Variants in SWAP70 observed in about 807,000 individuals in gnomAD.
SWAP70 encodes the protein switch-associated protein 70.
SWAP70 carries 34 observed loss-of-function variants against 80.2 expected under a neutral mutation model. The observed-to-expected ratio is 0.42, with a 90% CI of 0.32 to 0.56. The LOEUF is 0.56. Ranked by LOEUF, SWAP70 falls within the 20% of genes least tolerant of loss-of-function variation. The probability of loss-of-function intolerance (pLI) is 0.09; values close to 1 mark genes in which losing one functional copy is unlikely to be tolerated. For missense variants in SWAP70, 578 were observed against 690.7 expected, an observed-to-expected ratio of 0.84 and a Z score of 1.83; for synonymous variants, 239 against 238.5, an observed-to-expected ratio of 1.00 and a Z score of -0.02.
At chr11:9,673,696 G>C (rs1469006775) in intron 1 of SWAP70, among the ~76,000 whole-genome samples, 1 of 152,120 alleles carries the variant, frequency 6.6e-6, no homozygotes, top group Non-Finnish European at 1.5e-5. Flanking sequence ...CTGAAATGAA[G>C]GTCTTGTGGC....
intron 2 of SWAP70, among the ~76,000 whole-genome samples, chr11:9,710,906 A>G (rs1850988982): frequency 6.6e-6 from 1 of 151,160 alleles, no homozygotes; most frequent in South Asian, 2.1e-4. Flanking sequence ...CTGGTCTCAA[A>G]CTCCTGGGCT....
intron 1 of SWAP70, among the ~76,000 whole-genome samples, chr11:9,672,950 TG>T (rs1488524589): frequency 6.6e-6 from 1 of 152,188 alleles, no homozygotes; most frequent in African/African-American, 2.4e-5. Context: ...TTTTTTTCTC[TG>T]CTCTCACACC....
intron 1 of SWAP70, among the ~76,000 whole-genome samples, chr11:9,667,149 G>A (rs2134410900): frequency 6.6e-6 from 1 of 152,186 alleles, no homozygotes; most frequent in Non-Finnish European, 1.5e-5. Flanking sequence ...ACAGGTGTGA[G>A]CAACTGCAAT....
Position 9,751,498 on chromosome 11 carries a change from G to C in SWAP70, c.*1528G>C, listed in dbSNP as rs1851589287. The C allele has an allele frequency of 6.6e-6, 1 of 152,134 alleles. No homozygotes were observed. Among genetic ancestry groups the C allele is most frequent in the African/African-American group, 2.4e-5 (1 of 41,438 alleles). 9.4% of individuals were successfully genotyped at this position (152,134 alleles called of 1,614,324 possible). A position where few individuals can be genotyped will look rare whatever the true frequency, so the allele number is the denominator to read the frequency against. Reference sequence around the variant, plus strand: ...TGTAAATAAATATGGGGATAATTCAGTTGTTGCAAAAAAAGGGCAGAATTC... The same window carrying C: ...TGTAAATAAATATGGGGATAATTCACTTGTTGCAAAAAAAGGGCAGAATTC... On this transcript the variant is annotated 3_prime_UTR_variant, in exon 12 of 12. Transcript: ENST00000318950.
intron 2 of SWAP70, among the ~76,000 whole-genome samples, chr11:9,709,593 C>CCT (rs1850968724): frequency 6.6e-6 from 1 of 152,076 alleles, no homozygotes; most frequent in South Asian, 2.1e-4. Context: ...AGTGCGATCT[C>CCT]CCACCAACTT....
At chr11:9,722,653 T>A (rs1590038234) in intron 3 of SWAP70, among the ~76,000 whole-genome samples, 1 of 152,154 alleles carries the variant, frequency 6.6e-6, no homozygotes, top group East Asian at 1.9e-4. Flanking sequence ...AAATACCAAT[T>A]AACTGGGTCG....
intron 8 of SWAP70, among the ~76,000 whole-genome samples, chr11:9,739,713 T>C (rs1297430038): frequency 1.3e-5 from 2 of 152,148 alleles, no homozygotes; most frequent in Admixed American, 6.5e-5. Context: ...CAGGGAAGTG[T>C]GGGAGGAATC....
At chr11:9,721,810 A>G (rs1851141595) in intron 3 of SWAP70, among the ~76,000 whole-genome samples, 1 of 152,148 alleles carries the variant, frequency 6.6e-6, no homozygotes, top group Admixed American at 6.5e-5. Context: ...GTGAATATAT[A>G]TGCCTTTGCA....
At chr11:9,678,854 C>G (rs1184699558) in intron 1 of SWAP70, among the ~76,000 whole-genome samples, 1 of 152,144 alleles carries the variant, frequency 6.6e-6, no homozygotes, top group Non-Finnish European at 1.5e-5. Context: ...CTTAGTCCCT[C>G]TTAGGCATGT....
chr11:9,720,974 C>A (rs1263925009), intron 3 of SWAP70, among the ~76,000 whole-genome samples: 2 of 152,148 alleles, frequency 1.3e-5, no homozygotes, highest in Non-Finnish European at 2.9e-5. Context: ...CACCACCACA[C>A]CCAGCTAATT....
At chr11:9,729,256 G>A (rs532797527) in intron 5 of SWAP70, 87 bp from the exon 6 acceptor site, 10 of 835,174 alleles carry the variant, frequency 1.2e-5, no homozygotes, top group South Asian at 9.5e-5. Context: ...TTGACATTAA[G>A]TTTCAGCTCA....
chr11:9,669,959 C>T (rs868453967), intron 1 of SWAP70, among the ~76,000 whole-genome samples: 2 of 152,134 alleles, frequency 1.3e-5, no homozygotes, highest in African/African-American at 4.8e-5. Context: ...AAAACCCTGT[C>T]TCTACTAAAA....
At chr11:9,664,606 T>C (rs1850286908) in intron 1 of SWAP70, among the ~76,000 whole-genome samples, 1 of 152,138 alleles carries the variant, frequency 6.6e-6, no homozygotes, top group African/African-American at 2.4e-5. Context: ...GGGCAGAAAG[T>C]GGATTCTGAG....
chr11:9,731,730 T>G (rs2133810238), intron 6 of SWAP70, among the ~76,000 whole-genome samples: 1 of 152,264 alleles, frequency 6.6e-6, no homozygotes, highest in East Asian at 1.9e-4. Context: ...GTGGAAGACA[T>G]ATATACATAC....
rs1850892722 is a variant in SWAP70, at chr11:9,705,406, A to G, written c.241-8060A>G. On this transcript the variant is annotated intron_variant, in intron 2 of 11. Coordinates refer to ENST00000318950, the MANE Select transcript of SWAP70 (RefSeq NM_015055.4). ...CACTGGTGATCTGTATACACTGGTG[A>G]TCTGTGTACACTTGGTGATCTGTAT... Among the ~76,000 whole-genome samples the G allele has an allele frequency of 1.4e-5, 2 of 139,598 alleles. 1 individual carries two copies. The allele number at this position is 139,598 out of a possible 152,430, so 91.6% of individuals were successfully genotyped here.
chr11:9,677,530 T>C (rs989629308), intron 1 of SWAP70, among the ~76,000 whole-genome samples: 3 of 152,180 alleles, frequency 2.0e-5, no homozygotes, highest in African/African-American at 7.2e-5. Context: ...TTCTGTTCCT[T>C]TGAGAGATCA....
At chr11:9,718,685 A>G (rs935887731) in intron 3 of SWAP70, among the ~76,000 whole-genome samples, 4 of 144,198 alleles carry the variant, frequency 2.8e-5, no homozygotes, top group Non-Finnish European at 6.2e-5. Context: ...TGTTATCAGT[A>G]GTTTTTAGGA....
Position 9,664,098 on chromosome 11 carries a change from T to TGGCTGC in SWAP70, c.-79_-74dup. The stretch of plus-strand genomic sequence containing the variant: ...GGTCAGGTGACTGCGCGGCGGGCTG[T>TGGCTGC]GGCTGCGGAGGTTGAGGGGCGTCCG... On this transcript the variant is annotated 5_prime_UTR_variant, in exon 1 of 12. Coordinates refer to ENST00000318950, the MANE Select transcript of SWAP70 (RefSeq NM_015055.4). 1 of 1,346,038 alleles carries TGGCTGC rather than the reference T, an allele frequency of 7.4e-7. No homozygotes were observed. The highest frequency in any genetic ancestry group is 1.0e-6 in the Non-Finnish European group (1 of 1,004,792). The allele number at this position is 1,346,038 out of a possible 1,614,324, so 83.4% of individuals were successfully genotyped here. A position where few individuals can be genotyped will look rare whatever the true frequency, so the allele number is the denominator to read the frequency against.
chr11:9,718,329 T>C (rs1346568396), intron 3 of SWAP70, among the ~76,000 whole-genome samples: 1 of 152,156 alleles, frequency 6.6e-6, no homozygotes, highest in Non-Finnish European at 1.5e-5. Context: ...AGTGCTTGTG[T>C]GGGGAAAGAA....
Sources: gnomAD v4.1 joint callset for allele counts (sites outside exome capture counted in the v4.1 genomes callset) on GRCh38, gnomAD v4.1.1 for gene constraint, MANE v1.5 for transcripts, NCBI Gene and HGNC (gene_info 2026-07-23, HGNC 2026-07-21) for gene names.